Variants in KCNH8 observed in about 807,000 individuals in gnomAD.
The protein encoded by KCNH8 is potassium voltage-gated channel subfamily H member 8, also known as voltage-gated delayed rectifier potassium channel KCNH8.
A neutral mutation model predicts 103.6 loss-of-function variants in KCNH8; 70 were observed. That is an observed-to-expected ratio of 0.68 (90% CI 0.56 to 0.82). The LOEUF (loss-of-function observed/expected upper bound fraction) is 0.82. Among genes scored for constraint, KCNH8 ranks in the 40% least tolerant of loss-of-function variants. The pLI is 0.00. For missense variants in KCNH8, 1,217 were observed against 1,329.9 expected, an observed-to-expected ratio of 0.92 and a Z score of 1.32; for synonymous variants, 498 against 489.4, an observed-to-expected ratio of 1.02 and a Z score of -0.23.
chr3:19,335,619 T>C (rs1169258989), intron 3 of KCNH8, among the ~76,000 whole-genome samples: 1 of 151,510 alleles, frequency 6.6e-6, no homozygotes, highest in Non-Finnish European at 1.5e-5. Flanking sequence ...TATTTGTTCC[T>C]TTAAAGCTTG....
chr3:19,279,072 C>T (rs1323231566), intron 2 of KCNH8, among the ~76,000 whole-genome samples: 1 of 152,080 alleles, frequency 6.6e-6, no homozygotes, highest in Non-Finnish European at 1.5e-5. Context: ...AAAATGTCAA[C>T]CAAAATGTCA....
chr3:19,148,985 G>A (rs914371893), intron 1 of KCNH8, among the ~76,000 whole-genome samples, 190 bp downstream of exon 1: 2 of 152,090 alleles, frequency 1.3e-5, no homozygotes, highest in South Asian at 2.1e-4. Context: ...TTGTATTGGT[G>A]TAATAGTTGG....
intron 7 of KCNH8, among the ~76,000 whole-genome samples, chr3:19,437,108 A>G (rs546384162): frequency 6.6e-6 from 1 of 152,282 alleles, no homozygotes; most frequent in Admixed American, 6.5e-5. Flanking sequence ...TTAAGAGTGT[A>G]ATGGTTTTTC....
intron 3 of KCNH8, among the ~76,000 whole-genome samples, chr3:19,326,382 T>TATATATATATATATATATATAA (rs879457927): frequency 8.4e-5 from 12 of 142,544 alleles, no homozygotes; most frequent in African/African-American, 2.4e-4. Flanking sequence ...TATATATATA[T>TATATATATATATATATATATAA]AATAAATGAT....
At position 19,421,151 on chromosome 3, in the gene KCNH8, A is replaced by G. The variant is rs1030983962; in HGVS notation, c.1178-17013A>G. Among the ~76,000 whole-genome samples, 6 of 152,306 alleles carry G rather than the reference A, an allele frequency of 3.9e-5. No individual in the cohort carries two copies. The East Asian group carries it at 1.2e-3, about 29-fold the overall frequency. On this transcript the variant is annotated intron_variant, in intron 7 of 15. Transcript: ENST00000328405. ...ACTTTTTATTCTTTAGAAAGGACAT[A>G]TTACATCTTTGGGTAACAAGATAAA...
chr3:19,492,715 G>A (rs1218141149), intron 11 of KCNH8, among the ~76,000 whole-genome samples: 1 of 151,928 alleles, frequency 6.6e-6, no homozygotes, highest in East Asian at 1.9e-4. Flanking sequence ...CTCATTTTTT[G>A]AAGAATGATA....
chr3:19,150,511 TTGGGAATTAC>T (rs2063118778), intron 1 of KCNH8, among the ~76,000 whole-genome samples: 1 of 152,162 alleles, frequency 6.6e-6, no homozygotes, highest in Non-Finnish European at 1.5e-5. Flanking sequence ...CAGCACAGCC[TTGGGAATTAC>T]TGCAGTGATA....
intron 7 of KCNH8, among the ~76,000 whole-genome samples, chr3:19,404,363 G>A (rs564255419): frequency 6.6e-6 from 1 of 152,038 alleles, no homozygotes; most frequent in Non-Finnish European, 1.5e-5. Flanking sequence ...AAACATCTTA[G>A]GCTGTGCCTT....
intron 1 of KCNH8, among the ~76,000 whole-genome samples, chr3:19,239,969 C>G (rs1028482002): frequency 6.6e-6 from 1 of 152,078 alleles, no homozygotes; most frequent in African/African-American, 2.4e-5. Flanking sequence ...AGTATCACAA[C>G]CAATGCCTTC....
chr3:19,520,436 T>A (rs553076910), intron 15 of KCNH8, among the ~76,000 whole-genome samples: 1 of 152,124 alleles, frequency 6.6e-6, no homozygotes, highest in South Asian at 2.1e-4. Context: ...ACCCTTTGGA[T>A]AGTGCATAAA....
rs140479623 is a variant in KCNH8, at chr3:19,387,936, G to GT, written c.812-2534dup. Among the ~76,000 whole-genome samples, 1,133 of 142,152 alleles carry GT rather than the reference G, an allele frequency of 8.0e-3. 9 individuals are homozygous for GT. Among genetic ancestry groups the GT allele is most frequent in the African/African-American group, 0.019 (753 of 39,188 alleles). 93.3% of individuals were successfully genotyped at this position (142,152 alleles called of 152,430 possible). On this transcript the variant is annotated intron_variant, in intron 5 of 15. Transcript: ENST00000328405. ...TGACTTACCCAAGAAAATACCTGTTGTTTTTTTTTTTCAGAAGTCTGAACC... is the reference window on the plus strand; with the variant it reads ...TGACTTACCCAAGAAAATACCTGTTGTTTTTTTTTTTTCAGAAGTCTGAACC...
At chr3:19,296,855 A>T (rs903460632) in intron 3 of KCNH8, among the ~76,000 whole-genome samples, 14 of 151,564 alleles carry the variant, frequency 9.2e-5, no homozygotes, top group African/African-American at 3.4e-4. Context: ...TTAAATATAT[A>T]TTTTTTTCTT....
chr3:19,389,661 C>T (rs1280310598), intron 5 of KCNH8, among the ~76,000 whole-genome samples: 1 of 152,082 alleles, frequency 6.6e-6, no homozygotes, highest in East Asian at 1.9e-4. Flanking sequence ...CAGGGTCTCA[C>T]TCTGTTGCCC....
intron 1 of KCNH8, among the ~76,000 whole-genome samples, chr3:19,227,448 C>T (rs150337387): frequency 6.6e-6 from 1 of 152,170 alleles, no homozygotes; most frequent in Non-Finnish European, 1.5e-5. Flanking sequence ...TCAACATATA[C>T]AAGAGAACTC....
At chr3:19,469,531 C>T (rs575423764) in intron 11 of KCNH8, among the ~76,000 whole-genome samples, 155 of 152,168 alleles carry the variant, frequency 1.0e-3, no homozygotes, top group Non-Finnish European at 1.3e-3. Context: ...CCTCTGCCTC[C>T]GGGGTTCAAG....
intron 1 of KCNH8, among the ~76,000 whole-genome samples, chr3:19,185,667 A>G (rs2063494776): frequency 6.6e-6 from 1 of 151,266 alleles, no homozygotes; most frequent in African/African-American, 2.5e-5. Flanking sequence ...AGGACCATTT[A>G]TCACTGTAAT....
chr3:19,524,101 T>C (rs1342819288), intron 15 of KCNH8, among the ~76,000 whole-genome samples: 1 of 151,926 alleles, frequency 6.6e-6, no homozygotes, highest in Non-Finnish European at 1.5e-5. Flanking sequence ...TAAGGAAACC[T>C]GCATGAGTAA....
intron 1 of KCNH8, among the ~76,000 whole-genome samples, chr3:19,231,719 A>C (rs1170326503): frequency 6.6e-6 from 1 of 152,192 alleles, no homozygotes; most frequent in Non-Finnish European, 1.5e-5. Context: ...AGTATCCAAC[A>C]GTGCAATGCT....
intron 11 of KCNH8, among the ~76,000 whole-genome samples, chr3:19,496,670 T>C (rs563108437): frequency 1.3e-5 from 2 of 152,194 alleles, no homozygotes; most frequent in Non-Finnish European, 2.9e-5. Flanking sequence ...GTTGTGTCTC[T>C]GCCAGGTTTT....
Sources: gnomAD v4.1 joint callset for allele counts (sites outside exome capture counted in the v4.1 genomes callset) on GRCh38, gnomAD v4.1.1 for gene constraint, MANE v1.5 for transcripts, NCBI Gene and HGNC (gene_info 2026-07-23, HGNC 2026-07-21) for gene names.